The following CPS1 variants were observed in gnomAD, a reference collection of about 807,000 sequenced individuals.
CPS1 encodes carbamoyl-phosphate synthase 1.
In CPS1, 109 loss-of-function variants were observed where a neutral mutation model predicts 174.6. The observed-to-expected ratio is 0.62, with a 90% confidence interval of 0.53 to 0.73. CPS1 has a LOEUF of 0.73. Among genes scored for constraint, CPS1 ranks in the 30% least tolerant of loss-of-function variants. The pLI is 0.00. For missense variants in CPS1, 1,689 were observed against 1,821.9 expected, an observed-to-expected ratio of 0.93 and a Z score of 1.33; for synonymous variants, 637 against 632.0, an observed-to-expected ratio of 1.01 and a Z score of -0.12.
At chr2:210,548,903 A>T (rs953498265) in intron 1 of CPS1, among the ~76,000 whole-genome samples, 3 of 152,196 alleles carry the variant, frequency 2.0e-5, no homozygotes, top group South Asian at 2.1e-4. Context: ...GATTTCCAGG[A>T]GGGTGGAATG....
Position 210,600,597 on chromosome 2 carries a change from T to A in CPS1, c.1592T>A (p.Val531Glu), listed in dbSNP as rs2105840363. Residue 531 changes from valine (V) to glutamate (E), a missense_variant, in exon 15 of 38, where the codon GTG becomes GAG. Transcript: ENST00000233072. ...FKRGVLKEYG[V>E]KVLGTSVESI... is the part of the protein sequence containing the mutation. ...AGAGGTGTGCTCAAGGAATATGGTG[T>A]GAAAGTCCTGGGAACTTCAGTTGAG... 1 of 1,612,308 alleles carries A rather than the reference T, an allele frequency of 6.2e-7. No individual in the cohort carries two copies. Among genetic ancestry groups the A allele is most frequent in the Non-Finnish European group, 8.5e-7 (1 of 1,178,898 alleles).
At chr2:210,495,161 A>G (rs1230858232) in intron 1 of CPS1, among the ~76,000 whole-genome samples, 1 of 152,142 alleles carries the variant, frequency 6.6e-6, no homozygotes, top group Non-Finnish European at 1.5e-5. Flanking sequence ...TTTTGCTACT[A>G]ACTTCATTCT....
At chr2:210,675,008 C>A in intron 35 of CPS1, 47 bp downstream of exon 35, 1 of 1,428,212 alleles carries the variant, frequency 7.0e-7, no homozygotes, top group Non-Finnish European at 9.9e-7. Context: ...TGGAATCTGT[C>A]CACAAATCAA....
intron 1 of CPS1, among the ~76,000 whole-genome samples, chr2:210,572,615 C>G (rs1176550664): frequency 6.6e-6 from 1 of 151,944 alleles, no homozygotes; most frequent in Non-Finnish European, 1.5e-5. Context: ...TTATCAAATT[C>G]CGAATGCCAT....
intron 21 of CPS1, among the ~76,000 whole-genome samples, chr2:210,628,470 T>C (rs770078512): frequency 7.2e-5 from 11 of 152,032 alleles, no homozygotes; most frequent in Non-Finnish European, 1.5e-4. Context: ...ACTAGAAAAA[T>C]GTAGTCAAAA....
At chr2:210,616,712 TA>T (rs1316153859) in intron 21 of CPS1, among the ~76,000 whole-genome samples, 171 bp downstream of exon 21, 3 of 151,740 alleles carry the variant, frequency 2.0e-5, no homozygotes, top group African/African-American at 7.3e-5. Flanking sequence ...TTTTTTTTTT[TA>T]GATGTTTACC....
At chr2:210,592,342 C>A (rs1237704967) in intron 10 of CPS1, among the ~76,000 whole-genome samples, 1 of 151,910 alleles carries the variant, frequency 6.6e-6, no homozygotes, top group African/African-American at 2.4e-5. Context: ...TGTTTTAAAA[C>A]GTCATTTCTC....
intron 1 of CPS1, among the ~76,000 whole-genome samples, chr2:210,510,912 A>G (rs1244313804): frequency 6.6e-6 from 1 of 152,184 alleles, no homozygotes; most frequent in Admixed American, 6.5e-5. Context: ...GAGAAATAGG[A>G]ACAATTTTAC....
At chr2:210,658,385 G>T (rs1700793951) in intron 30 of CPS1, 1 of 499,788 alleles carries the variant, frequency 2.0e-6, no homozygotes, top group Admixed American at 3.2e-5. Context: ...ACAATTATTT[G>T]TTCTTTTCCT....
intron 1 of CPS1, among the ~76,000 whole-genome samples, chr2:210,512,416 C>G (rs1695519243): frequency 6.6e-6 from 1 of 151,676 alleles, no homozygotes; most frequent in Non-Finnish European, 1.5e-5. Flanking sequence ...TCATGAGTAC[C>G]CAATGTTTAG....
At chr2:210,565,918 T>C (rs1159802465) in intron 1 of CPS1, among the ~76,000 whole-genome samples, 1 of 152,180 alleles carries the variant, frequency 6.6e-6, no homozygotes, top group Non-Finnish European at 1.5e-5. Context: ...GCATGCTCTC[T>C]ATTAGGGATC....
chr2:210,583,982 G>A (rs1169643274), intron 6 of CPS1, among the ~76,000 whole-genome samples: 2 of 152,114 alleles, frequency 1.3e-5, no homozygotes, highest in Non-Finnish European at 2.9e-5. Flanking sequence ...TCAGGTAAAA[G>A]ATCACCTTAC....
At chr2:210,574,898 G>A (rs942125258) in intron 2 of CPS1, among the ~76,000 whole-genome samples, 4 of 151,954 alleles carry the variant, frequency 2.6e-5, no homozygotes, top group Non-Finnish European at 4.4e-5. Flanking sequence ...GTAGGAAAAG[G>A]TATTCATCTA....
intron 6 of CPS1, among the ~76,000 whole-genome samples, chr2:210,587,111 A>C (rs955267116): frequency 6.6e-6 from 1 of 151,932 alleles, no homozygotes; most frequent in South Asian, 2.1e-4. Flanking sequence ...GAGAAAAAAA[A>C]CCCCAGATAT....
chr2:210,617,039 A>G (rs1169552025), intron 21 of CPS1, among the ~76,000 whole-genome samples: 2 of 152,012 alleles, frequency 1.3e-5, no homozygotes, highest in African/African-American at 4.8e-5. Flanking sequence ...TCAGCATACA[A>G]TTAAGCCACA....
At chr2:210,532,085 C>T (rs1399755294) in intron 1 of CPS1, among the ~76,000 whole-genome samples, 2 of 152,106 alleles carry the variant, frequency 1.3e-5, no homozygotes, top group Non-Finnish European at 1.5e-5. Flanking sequence ...ATTAACACTA[C>T]ATTTCTGCAT....
intron 5 of CPS1, among the ~76,000 whole-genome samples, chr2:210,582,165 T>C (rs186331419): frequency 4.6e-5 from 7 of 152,336 alleles, no homozygotes; most frequent in Admixed American, 3.9e-4. Flanking sequence ...TTCATCTTCT[T>C]TGTGAATTAA....
At chr2:210,513,532 G>A (rs1206249630) in intron 1 of CPS1, among the ~76,000 whole-genome samples, 2 of 151,720 alleles carry the variant, frequency 1.3e-5, no homozygotes, top group African/African-American at 4.8e-5. Flanking sequence ...TTTTTAATGG[G>A]GTTAAGTTGG....
At chr2:210,645,071 G>T (rs1175556029) in intron 25 of CPS1, among the ~76,000 whole-genome samples, 1 of 152,160 alleles carries the variant, frequency 6.6e-6, no homozygotes, top group Non-Finnish European at 1.5e-5. Flanking sequence ...TCATCCCTTT[G>T]TTCCTACATG....
Sources: allele counts gnomAD v4.1 joint callset (sites outside exome capture counted in the v4.1 genomes callset), GRCh38; gene constraint gnomAD v4.1.1; transcripts MANE v1.5; gene names NCBI Gene and HGNC (gene_info 2026-07-23, HGNC 2026-07-21).